PCDHGA9: variants seen among roughly 807,000 people sequenced by gnomAD.
PCDHGA9 encodes the protein protocadherin gamma subfamily A, 9.
A neutral mutation model predicts 62.5 loss-of-function variants in PCDHGA9; 37 were observed. The ratio of observed to expected loss-of-function variants is 0.59; its 90% CI spans 0.46 to 0.78. PCDHGA9 has a LOEUF of 0.78. Ranked by LOEUF, PCDHGA9 falls within the 30% of genes least tolerant of loss-of-function variation. PCDHGA9 has a pLI of 0.00. For missense variants in PCDHGA9, 1,138 were observed against 1,166.2 expected, an observed-to-expected ratio of 0.98 and a Z score of 0.35; for synonymous variants, 459 against 484.6, an observed-to-expected ratio of 0.95 and a Z score of 0.69.
rs764737675 is a variant in PCDHGA9 at position 141,403,482 on chromosome 5, A to G, written c.530A>G (p.His177Arg). 8 of 1,613,774 alleles carry G rather than the reference A, an allele frequency of 5.0e-6. No individual in the cohort carries two copies. Among genetic ancestry groups the G allele is most frequent in the Non-Finnish European group, 6.8e-6 (8 of 1,179,882 alleles). Residue 177 changes from histidine to arginine, a missense_variant, in exon 1 of 4, where the codon CAC becomes CGC. Coordinates refer to ENST00000573521, the MANE Select transcript of PCDHGA9 (RefSeq NM_018921.3). ...LQSYQLSPNH[H>R]FSLNVQTGDN... is the part of the protein sequence containing the mutation. ...AGCTACCAGCTCAGCCCCAATCACC[A>G]CTTCTCCCTGAACGTGCAGACTGGA...
At chr5:141,507,432 C>T (rs2099860585) in intron 3 of PCDHGA9, 1 of 152,198 alleles carries the variant, frequency 6.6e-6, no homozygotes. Flanking sequence ...GGGGCCAGGC[C>T]TACAGCTGAC....
intron 1 of PCDHGA9, chr5:141,478,282 G>A: frequency 6.2e-7 from 1 of 1,614,184 alleles, no homozygotes; most frequent in Non-Finnish European, 8.5e-7. Flanking sequence ...AGTGGAAGCA[G>A]TCTAGAGACC....
chr5:141,422,087 G>A, intron 1 of PCDHGA9: 6 of 1,611,966 alleles, frequency 3.7e-6, no homozygotes, highest in Non-Finnish European at 5.1e-6. Context: ...AACATGGAAA[G>A]CAAGGCTTCT....
At chr5:141,457,736 T>G (rs1265562501) in intron 1 of PCDHGA9, among the ~76,000 whole-genome samples, 1 of 152,254 alleles carries the variant, frequency 6.6e-6, no homozygotes, top group African/African-American at 2.4e-5. Flanking sequence ...AGATTAGACT[T>G]TTAAAGCTGA....
At chr5:141,471,079 C>T (rs1169560328) in intron 1 of PCDHGA9, among the ~76,000 whole-genome samples, 1 of 145,256 alleles carries the variant, frequency 6.9e-6, no homozygotes, top group African/African-American at 2.5e-5. Context: ...GACAGGGTCT[C>T]CCTCTGTTGT....
At chr5:141,506,432 C>A (rs2099853359) in intron 3 of PCDHGA9, among the ~76,000 whole-genome samples, 1 of 132,482 alleles carries the variant, frequency 7.5e-6, no homozygotes, top group Non-Finnish European at 1.6e-5. Context: ...GGGCAACAGT[C>A]TCGCTCTGTC....
At chr5:141,483,603 A>T (rs1277479077) in intron 1 of PCDHGA9, among the ~76,000 whole-genome samples, 1 of 152,054 alleles carries the variant, frequency 6.6e-6, no homozygotes, top group Non-Finnish European at 1.5e-5. Context: ...AGGCTGGTTT[A>T]CACCTCCATC....
chr5:141,451,163 G>A (rs2098709493), intron 1 of PCDHGA9, among the ~76,000 whole-genome samples: 1 of 152,086 alleles, frequency 6.6e-6, no homozygotes, highest in African/African-American at 2.4e-5. Flanking sequence ...TTTTTTGGTA[G>A]TATATTATTT....
intron 2 of PCDHGA9, among the ~76,000 whole-genome samples, chr5:141,500,844 T>C (rs190011905): frequency 6.6e-6 from 1 of 152,204 alleles, no homozygotes; most frequent in Non-Finnish European, 1.5e-5. Flanking sequence ...AATGGGCTTT[T>C]GCTACATTAG....
intron 3 of PCDHGA9, among the ~76,000 whole-genome samples, chr5:141,510,272 T>TA (rs546154379): frequency 0.17 from 22,022 of 130,294 alleles, 2,255 homozygotes; most frequent in African/African-American, 0.28. Flanking sequence ...GACTCCATCT[T>TA]AAAAAAAAAA....
intron 1 of PCDHGA9, chr5:141,427,703 C>T (rs529490424): frequency 1.0e-6 from 1 of 957,508 alleles, no homozygotes. Flanking sequence ...CACAAGTCAG[C>T]GCCTCTGACC....
intron 3 of PCDHGA9, among the ~76,000 whole-genome samples, chr5:141,509,422 G>A (rs1181133903): frequency 3.3e-5 from 5 of 152,136 alleles, no homozygotes; most frequent in Non-Finnish European, 5.9e-5. Flanking sequence ...GCCCCAATGA[G>A]TCAAACTCTT....
chr5:141,413,371 C>G (rs752898022), intron 1 of PCDHGA9: 1 of 1,613,966 alleles, frequency 6.2e-7, no homozygotes, highest in Non-Finnish European at 8.5e-7. Context: ...GCTGGCGGAG[C>G]GCGGAGTCCG....
At position 141,476,379 on chromosome 5, in the gene PCDHGA9, T is replaced by TTCA. The variant is rs768549633; in HGVS notation, c.2425-18428_2425-18427insTCA. 9 of 1,614,126 alleles carry TTCA rather than the reference T, an allele frequency of 5.6e-6. No homozygotes were observed. The East Asian group carries it at 2.0e-4, about 36-fold the overall frequency. ...AACCGGGAGACCGGAGAGATGTTTG[T>TTCA]GAACGACCGTCTGGATCGAGAGGAG... On this transcript the variant is annotated intron_variant, in intron 1 of 3. Transcript: ENST00000573521. This position sits in a 1 kb window ranked among gnomAD's most constrained non-coding sequence, Gnocchi z 7.6.
chr5:141,477,992 G>T lies in PCDHGA9; in HGVS notation c.2425-16815G>T. The T allele has an allele frequency of 6.2e-7, 1 of 1,614,108 alleles. No individual in the cohort carries two copies. Among genetic ancestry groups the T allele is most frequent in the Non-Finnish European group, 8.5e-7 (1 of 1,180,024 alleles). On this transcript the variant is annotated intron_variant, in intron 1 of 3. Transcript: ENST00000573521. The surrounding 1 kb of genome is among the most constrained non-coding windows in gnomAD (Gnocchi z 4.9). Reference sequence around the variant, plus strand: ...CCTTTTTGCCATAGGGCTGCACACTGGTCAAATCAGTACTGCCCGTCCAGT... The same window carrying T: ...CCTTTTTGCCATAGGGCTGCACACTTGTCAAATCAGTACTGCCCGTCCAGT...
In PCDHGA9 at chr5:141,431,887, T is replaced by C; in HGVS notation, c.2424+26511T>C. The C allele has an allele frequency of 1.2e-6, 2 of 1,614,190 alleles. No individual in the cohort carries two copies. The highest frequency in any genetic ancestry group is 1.7e-6 in the Non-Finnish European group (2 of 1,179,996). ...TTTTAAATGTAAATGACCAAGATTCTGAGGAAAACGGACAGGTGATCTGTT... is the reference window on the plus strand; with the variant it reads ...TTTTAAATGTAAATGACCAAGATTCCGAGGAAAACGGACAGGTGATCTGTT... On this transcript the variant is annotated intron_variant, in intron 1 of 3. Coordinates refer to ENST00000573521, the MANE Select transcript of PCDHGA9 (RefSeq NM_018921.3). The surrounding 1 kb of genome is among the most constrained non-coding windows in gnomAD (Gnocchi z 4.8).
Position 141,489,629 on chromosome 5 carries a change from C to G in PCDHGA9, c.2425-5178C>G. 6.2e-7 allele frequency: 1 copy of G among 1,614,142 alleles called. No individual in the cohort carries two copies. The highest frequency in any genetic ancestry group is 8.5e-7 in the Non-Finnish European group (1 of 1,180,014). On this transcript the variant is annotated intron_variant, in intron 1 of 3. Coordinates refer to ENST00000573521, the MANE Select transcript of PCDHGA9 (RefSeq NM_018921.3). The surrounding 1 kb of genome is among the most constrained non-coding windows in gnomAD (Gnocchi z 4.5). Reference sequence around the variant, plus strand: ...GAGATCCTGGATCTCAATGACAACTCTCCTAGCTTTGCCACCCCTGAGCGA... The same window carrying G: ...GAGATCCTGGATCTCAATGACAACTGTCCTAGCTTTGCCACCCCTGAGCGA...
intron 1 of PCDHGA9, among the ~76,000 whole-genome samples, chr5:141,468,747 T>A (rs2099176715): frequency 6.6e-6 from 1 of 151,990 alleles, no homozygotes; most frequent in South Asian, 2.1e-4. Context: ...GTGCCTGTAG[T>A]CCCAGCTACT....
chr5:141,507,495 G>A (rs375483743), intron 3 of PCDHGA9, among the ~76,000 whole-genome samples: 5 of 152,352 alleles, frequency 3.3e-5, no homozygotes, highest in East Asian at 3.9e-4. Flanking sequence ...AGGCAGAGCT[G>A]TCCCAGGTCT....
Sources: gnomAD v4.1 joint callset for allele counts (sites outside exome capture counted in the v4.1 genomes callset) on GRCh38, gnomAD v4.1.1 for gene constraint, Gnocchi (gnomAD v3.1) non-coding constraint, MANE v1.5 for transcripts, NCBI Gene and HGNC (gene_info 2026-07-23, HGNC 2026-07-21) for gene names.